Variants in PKNOX2 observed in about 807,000 individuals in gnomAD.
The protein encoded by PKNOX2 is PBX/knotted 1 homeobox 2.
PKNOX2 carries 14 observed loss-of-function variants against 53.1 expected under a neutral mutation model. That is an observed-to-expected ratio of 0.26 (90% CI 0.17 to 0.41). PKNOX2 has a LOEUF of 0.41. Among genes scored for constraint, PKNOX2 ranks in the 10% least tolerant of loss-of-function variants. The pLI, the probability that PKNOX2 is intolerant of heterozygous loss-of-function variation, is 1.00. For synonymous variants in PKNOX2, 257 were observed against 242.8 expected, an observed-to-expected ratio of 1.06 and a Z score of -0.54; for missense variants, 496 against 602.8, an observed-to-expected ratio of 0.82 and a Z score of 1.85.
chr11:125,343,224 A>T (rs1217420658), intron 3 of PKNOX2, among the ~76,000 whole-genome samples: 1 of 152,084 alleles, frequency 6.6e-6, no homozygotes, highest in Non-Finnish European at 1.5e-5. Flanking sequence ...AGTTTTGGGG[A>T]CACAATAGTC....
intron 4 of PKNOX2, among the ~76,000 whole-genome samples, chr11:125,355,059 G>A (rs528764606): frequency 1.4e-3 from 210 of 152,252 alleles, no homozygotes; most frequent in Admixed American, 0.012. Flanking sequence ...CTGAGGTCAG[G>A]AGTTCAAGAC....
At chr11:125,326,043 T>TG (rs1250327486) in intron 2 of PKNOX2, among the ~76,000 whole-genome samples, 1 of 152,252 alleles carries the variant, frequency 6.6e-6, no homozygotes, top group Non-Finnish European at 1.5e-5. Flanking sequence ...CCTCTTCATG[T>TG]GACAGGAACA....
intron 6 of PKNOX2, among the ~76,000 whole-genome samples, chr11:125,396,023 G>A (rs910877779): frequency 1.8e-4 from 27 of 150,326 alleles, no homozygotes; most frequent in South Asian, 4.2e-4. Flanking sequence ...GCTCCATCTC[G>A]GCTCACTGTA....
intron 2 of PKNOX2, among the ~76,000 whole-genome samples, chr11:125,243,684 G>A (rs951908432): frequency 9.9e-5 from 15 of 150,904 alleles, no homozygotes; most frequent in Admixed American, 8.6e-4. Context: ...GTGCAGTGGC[G>A]TGATCTCAGC....
chr11:125,390,910 C>G (rs12419130), intron 6 of PKNOX2, among the ~76,000 whole-genome samples: 3,519 of 152,264 alleles, frequency 0.023, 57 homozygotes, highest in Middle Eastern at 0.048. Context: ...TGGTATTCAC[C>G]TTTTTTTCAT....
rs571769382 is a variant in PKNOX2 at position 125,324,460 on chromosome 11, G to A, written c.-129-7359G>A. ...AGCAAATATGCTGAACACCTTATAT[G>A]TACAAAATACATCTTAGGCTCTGGG... is the stretch of plus-strand genomic sequence containing the variant. On this transcript the variant is annotated intron_variant, in intron 2 of 12. Coordinates refer to ENST00000298282, the MANE Select transcript of PKNOX2 (RefSeq NM_001382323.2). 2.0e-5 allele frequency among the ~76,000 whole-genome samples: 3 copies of A among 152,254 alleles called. No homozygotes were observed. In the East Asian group the frequency reaches 5.8e-4, roughly 29 times the overall value.
At chr11:125,389,786 C>A (rs1431857173) in intron 6 of PKNOX2, among the ~76,000 whole-genome samples, 2 of 152,208 alleles carry the variant, frequency 1.3e-5, no homozygotes, top group Non-Finnish European at 2.9e-5. Flanking sequence ...CAGTTTCATG[C>A]ATGGAATTTT....
At chr11:125,196,469 T>C (rs1591477400) in intron 1 of PKNOX2, among the ~76,000 whole-genome samples, 2 of 152,314 alleles carry the variant, frequency 1.3e-5, no homozygotes, top group Middle Eastern at 6.8e-3. Flanking sequence ...CTTTCCATCA[T>C]GGGAGCTCCC....
intron 10 of PKNOX2, among the ~76,000 whole-genome samples, chr11:125,428,807 A>G (rs1436430882): frequency 1.3e-5 from 2 of 152,150 alleles, no homozygotes; most frequent in African/African-American, 4.8e-5. Context: ...CCAGCCCGGG[A>G]TGTGGAGTCT....
intron 2 of PKNOX2, among the ~76,000 whole-genome samples, chr11:125,281,002 G>C (rs1269438624): frequency 6.6e-6 from 1 of 152,188 alleles, no homozygotes; most frequent in African/African-American, 2.4e-5. Context: ...GACCGTCCTG[G>C]CTTCCTGGGC....
At chr11:125,376,695 A>G (rs1447970927) in intron 5 of PKNOX2, among the ~76,000 whole-genome samples, 3 of 152,116 alleles carry the variant, frequency 2.0e-5, no homozygotes, top group East Asian at 1.9e-4. Context: ...ACTGATTCCC[A>G]TTCACTGATT....
chr11:125,385,645 G>A lies in PKNOX2; in HGVS notation c.322G>A (p.Asp108Asn). The part of the protein sequence containing the change: ...ECITSASFDV[D>N]IENFVHQQEQ... ...CATCACCTCCGCCAGCTTTGATGTG[G>A]ACATCGAGAACTTTGTCCACCAGCA... The change falls in exon 6 of 13, where the codon GAC becomes AAC. Residue 108 changes from aspartate (D) to asparagine (N), a missense_variant. This residue lies in a region of PKNOX2 where 168 missense variants were observed against 178.4 expected (regional missense o/e 0.94). Transcript: ENST00000298282. The A allele has an allele frequency of 1.2e-6, 2 of 1,614,082 alleles. No individual in the cohort carries two copies. The highest frequency in any genetic ancestry group is 2.2e-5 in the East Asian group (1 of 44,874).
At chr11:125,168,647 G>A (rs1332070096) in intron 1 of PKNOX2, among the ~76,000 whole-genome samples, 1 of 152,174 alleles carries the variant, frequency 6.6e-6, no homozygotes, top group Non-Finnish European at 1.5e-5. Flanking sequence ...AGAGACCAAG[G>A]CATGCCTAGA....
At chr11:125,189,181 A>G (rs1956633263) in intron 1 of PKNOX2, among the ~76,000 whole-genome samples, 1 of 151,394 alleles carries the variant, frequency 6.6e-6, no homozygotes, top group Non-Finnish European at 1.5e-5. Flanking sequence ...TGCTTCTTCC[A>G]TCCAGCTTGG....
At chr11:125,342,151 A>C (rs1465480604) in intron 3 of PKNOX2, among the ~76,000 whole-genome samples, 10 of 150,188 alleles carry the variant, frequency 6.7e-5, no homozygotes, top group Non-Finnish European at 1.3e-4. Flanking sequence ...TGCTTCCACA[A>C]CTCTGACTCT....
At position 125,429,526 on chromosome 11, in the gene PKNOX2, C is replaced by G. The variant is rs193039137; in HGVS notation, c.1014-437C>G. On this transcript the variant is annotated intron_variant, in intron 11 of 12. Coordinates refer to ENST00000298282, the MANE Select transcript of PKNOX2 (RefSeq NM_001382323.2). The stretch of plus-strand genomic sequence containing the variant: ...GGGAGGAGGAGTAGCCATTCTGACC[C>G]CACAGGGATCTCAGCTTTCCCAGTC... Among the ~76,000 whole-genome samples the G allele has an allele frequency of 1.5e-3, 226 of 152,270 alleles. 3 individuals carry two copies. Among genetic ancestry groups the G allele is most frequent in the Middle Eastern group, 3.4e-3 (1 of 294 alleles).
chr11:125,194,464 C>G (rs1018652510), intron 1 of PKNOX2, among the ~76,000 whole-genome samples: 1 of 152,054 alleles, frequency 6.6e-6, no homozygotes, highest in Non-Finnish European at 1.5e-5. Context: ...AGTCCCCCAC[C>G]CCCACCCTGC....
At chr11:125,345,043 C>A (rs1426105696) in intron 3 of PKNOX2, among the ~76,000 whole-genome samples, 4 of 152,148 alleles carry the variant, frequency 2.6e-5, no homozygotes, top group Admixed American at 2.6e-4. Context: ...CATTTCCCCC[C>A]ATCAGCCTAG....
rs1952459463 is a variant in PKNOX2 at position 125,370,366 on chromosome 11, G to A, written c.227+2381G>A. Among the ~76,000 whole-genome samples, 1 of 152,194 alleles carries A rather than the reference G, an allele frequency of 6.6e-6. No homozygotes were observed. The highest frequency in any genetic ancestry group is 2.4e-5 in the African/African-American group (1 of 41,446). On this transcript the variant is annotated intron_variant, in intron 5 of 12. Coordinates refer to ENST00000298282, the MANE Select transcript of PKNOX2 (RefSeq NM_001382323.2). The surrounding 1 kb of genome is among the most constrained non-coding windows in gnomAD (Gnocchi z 4.1). ...CTACCCAGGCCAACCTGCAGGAGAG[G>A]TGGGTCACTGCCCCCATGGGAGCCA...
Sources: allele counts gnomAD v4.1 joint callset (sites outside exome capture counted in the v4.1 genomes callset), GRCh38; gene constraint gnomAD v4.1.1; regional missense constraint gnomAD v4.1.1; non-coding constraint Gnocchi (gnomAD v3.1); transcripts MANE v1.5; gene names NCBI Gene and HGNC (gene_info 2026-07-23, HGNC 2026-07-21).